The following LHFPL2 variants were observed in gnomAD, a reference collection of about 807,000 sequenced individuals.
LHFPL2 encodes the protein LHFPL tetraspan subfamily member 2, also known as LHFPL tetraspan subfamily member 2 protein.
A neutral mutation model predicts 17.5 loss-of-function variants in LHFPL2; 7 were observed. The observed-to-expected ratio is 0.40, with a 90% CI of 0.23 to 0.75. LHFPL2 has a LOEUF of 0.75. Ranked by LOEUF, LHFPL2 falls within the 30% of genes least tolerant of loss-of-function variation. LHFPL2 has a pLI of 0.37. For synonymous variants in LHFPL2, 134 were observed against 116.2 expected, an observed-to-expected ratio of 1.15 and a Z score of -0.99; for missense variants, 241 against 294.8, an observed-to-expected ratio of 0.82 and a Z score of 1.34.
intron 4 of LHFPL2, among the ~76,000 whole-genome samples, chr5:78,498,522 T>G (rs1370913533): frequency 1.3e-5 from 2 of 151,446 alleles, no homozygotes; most frequent in South Asian, 4.1e-4. Context: ...AGATATTTTC[T>G]CTTTTACAAT....
chr5:78,593,936 C>T (rs1400103767), intron 2 of LHFPL2, among the ~76,000 whole-genome samples: 1 of 152,186 alleles, frequency 6.6e-6, no homozygotes, highest in Non-Finnish European at 1.5e-5. Flanking sequence ...CATTCCTATT[C>T]GTCTTCAAGG....
intron 4 of LHFPL2, 150 bp downstream of exon 4, chr5:78,509,634 G>T: frequency 1.3e-6 from 1 of 747,546 alleles, no homozygotes; most frequent in Admixed American, 2.5e-5. Flanking sequence ...CACAAACGTC[G>T]CCTAGAACGG....
chr5:78,513,615 C>T (rs764253263), intron 3 of LHFPL2, among the ~76,000 whole-genome samples: 10 of 152,106 alleles, frequency 6.6e-5, no homozygotes, highest in Admixed American at 2.6e-4. Context: ...ATAATTCTCA[C>T]GTGTTATGGG....
chr5:78,539,051 T>TC (rs772137496), intron 3 of LHFPL2, among the ~76,000 whole-genome samples: 1 of 152,104 alleles, frequency 6.6e-6, no homozygotes, highest in South Asian at 2.1e-4. Context: ...CATGCTGAAA[T>TC]CCCCCACAAA....
At chr5:78,542,682 C>G (rs917250855) in intron 3 of LHFPL2, among the ~76,000 whole-genome samples, 4 of 152,162 alleles carry the variant, frequency 2.6e-5, no homozygotes, top group Non-Finnish European at 4.4e-5. Flanking sequence ...ACTGCTTCTC[C>G]CACTGAAAGG....
chr5:78,599,890 C>T (rs932984921), intron 2 of LHFPL2, among the ~76,000 whole-genome samples: 1 of 152,094 alleles, frequency 6.6e-6, no homozygotes, highest in Non-Finnish European at 1.5e-5. Flanking sequence ...GTTCTCTTTA[C>T]ATAGTACCTG....
At chr5:78,568,545 T>C (rs574782483) in intron 2 of LHFPL2, among the ~76,000 whole-genome samples, 21 of 152,300 alleles carry the variant, frequency 1.4e-4, no homozygotes, top group Admixed American at 9.8e-4. Flanking sequence ...TGAAGTGCAC[T>C]GATTTGAATT....
chr5:78,588,429 G>T (rs1229837621), intron 2 of LHFPL2, among the ~76,000 whole-genome samples: 1 of 152,122 alleles, frequency 6.6e-6, no homozygotes, highest in Admixed American at 6.5e-5. Context: ...GAGTCAAGTG[G>T]AAAAAGTTCT....
At chr5:78,510,832 CTT>C (rs931363594) in intron 3 of LHFPL2, among the ~76,000 whole-genome samples, 6 of 152,194 alleles carry the variant, frequency 3.9e-5, no homozygotes, top group Admixed American at 1.3e-4. Context: ...GTTTGCAAGA[CTT>C]TTTGCCTGCT....
Position 78,510,219 on chromosome 5 carries a change from T to G in LHFPL2, c.-6A>C. ...GTGACAATGACATGACACATATTGA[T>G]GTTCCGGGCGAAGAAAGAGTCAGGA... On this transcript the variant is annotated 5_prime_UTR_variant, in exon 4 of 5. Coordinates refer to ENST00000380345, the MANE Select transcript of LHFPL2 (RefSeq NM_005779.3). The G allele has an allele frequency of 6.4e-7, 1 of 1,573,274 alleles. No individual in the cohort carries two copies. The highest frequency in any genetic ancestry group is 2.3e-5 in the East Asian group (1 of 44,208).
chr5:78,540,004 T>TATGTAGAG (rs1756061695), intron 3 of LHFPL2, among the ~76,000 whole-genome samples: 1 of 152,214 alleles, frequency 6.6e-6, no homozygotes, highest in Non-Finnish European at 1.5e-5. Context: ...TATGAGTCTC[T>TATGTAGAG]ACAAGAATTC....
At position 78,501,862 on chromosome 5, in the gene LHFPL2, T is replaced by C. The variant is rs1008108712; in HGVS notation, c.430+7922A>G. Reference sequence around the variant, plus strand: ...CTGGCAATAAAAGAGTTTTTGTGAATGACTACAGCATCTTTGAGAGCAGGT... The same window carrying C: ...CTGGCAATAAAAGAGTTTTTGTGAACGACTACAGCATCTTTGAGAGCAGGT... On this transcript the variant is annotated intron_variant, in intron 4 of 4. Coordinates refer to ENST00000380345, the MANE Select transcript of LHFPL2 (RefSeq NM_005779.3). Among the ~76,000 whole-genome samples the C allele has an allele frequency of 1.7e-4, 26 of 152,234 alleles. 1 individual carries two copies. The highest frequency in any genetic ancestry group is 1.5e-3 in the Admixed American group (23 of 15,286).
intron 3 of LHFPL2, among the ~76,000 whole-genome samples, chr5:78,534,268 C>T (rs928251129): frequency 6.6e-6 from 1 of 152,218 alleles, no homozygotes; most frequent in Non-Finnish European, 1.5e-5. Context: ...CCGCAGTGTG[C>T]TCCACAGAGA....
intron 3 of LHFPL2, among the ~76,000 whole-genome samples, chr5:78,532,812 T>C (rs1399242765): frequency 6.6e-6 from 1 of 151,908 alleles, no homozygotes. Flanking sequence ...ACTATTACCA[T>C]GATCATTTCA....
chr5:78,589,343 C>G (rs547893238), intron 2 of LHFPL2, among the ~76,000 whole-genome samples: 6 of 151,674 alleles, frequency 4.0e-5, no homozygotes, highest in Non-Finnish European at 8.8e-5. Flanking sequence ...TGGTGGCACG[C>G]GCCTGTAATT....
intron 2 of LHFPL2, chr5:78,626,001 A>T (rs1278102401): frequency 1.3e-5 from 2 of 152,258 alleles, no homozygotes; most frequent in African/African-American, 2.4e-5. Flanking sequence ...ACATATAGAC[A>T]TATAGGTCGG....
At chr5:78,609,389 T>A (rs1388484822) in intron 2 of LHFPL2, among the ~76,000 whole-genome samples, 2 of 129,220 alleles carry the variant, frequency 1.5e-5, no homozygotes, top group African/African-American at 6.0e-5. Context: ...AGGCAGAGGT[T>A]AAGGTGAGCC....
rs968070899 is a variant in LHFPL2, at chr5:78,486,637, T to C, written c.*2260A>G. The C allele has an allele frequency of 2.0e-5, 3 of 152,284 alleles. No individual in the cohort carries two copies. The highest frequency in any genetic ancestry group is 7.2e-5 in the African/African-American group (3 of 41,456). The allele number at this position is 152,284 out of a possible 1,614,324, so 9.4% of individuals were successfully genotyped here. ...TGGTTTGGGGTTCTGTGTGTGTGCA[T>C]GCCTGTGCTTTTGTCTTCTGTTGCA... On this transcript the variant is annotated 3_prime_UTR_variant, in exon 5 of 5. Transcript: ENST00000380345.
chr5:78,511,104 GGA>G (rs1040865012), intron 3 of LHFPL2, among the ~76,000 whole-genome samples: 2 of 96,164 alleles, frequency 2.1e-5, no homozygotes, highest in African/African-American at 7.4e-5. Context: ...AACTCAGAGG[GGA>G]AAAAAAAAAA....
Sources: gnomAD v4.1 joint callset for allele counts (sites outside exome capture counted in the v4.1 genomes callset) on GRCh38, gnomAD v4.1.1 for gene constraint, MANE v1.5 for transcripts, NCBI Gene and HGNC (gene_info 2026-07-23, HGNC 2026-07-21) for gene names.